Variants in ELFN1 observed in about 807,000 individuals in gnomAD.
The protein encoded by ELFN1 is protein ELFN1.
In ELFN1, 6 loss-of-function variants were observed where a neutral mutation model predicts 7.6. The ratio of observed to expected loss-of-function variants is 0.79; its 90% CI spans 0.43 to 1.56. The LOEUF (loss-of-function observed/expected upper bound fraction) is 1.56. Ranked by LOEUF, ELFN1 falls within the 40% of genes most tolerant of loss-of-function variation. The probability of loss-of-function intolerance (pLI) is 0.01; values close to 1 mark genes in which losing one functional copy is unlikely to be tolerated. For missense variants in ELFN1, 1,169 were observed against 1,232.2 expected, an observed-to-expected ratio of 0.95 and a Z score of 0.77; for synonymous variants, 657 against 588.1, an observed-to-expected ratio of 1.12 and a Z score of -1.70.
In ELFN1 at chr7:1,745,409, G is replaced by GC; in HGVS notation, c.815dup (p.Arg274ProfsTer13). On this transcript the variant is annotated frameshift_variant, in exon 4 of 4. Transcript: ENST00000424383. LOFTEE classifies it low-confidence loss of function (END_TRUNC). The stretch of plus-strand genomic sequence containing the variant: ...CACGTCCAGCATCCGGGCGCTCACA[G>GC]CCGGGCCGCTCCCCGCCGCCCCCGC... 6.5e-7 allele frequency: 1 copy of GC among 1,539,104 alleles called. No homozygotes were observed. The highest frequency in any genetic ancestry group is 8.7e-7 in the Non-Finnish European group (1 of 1,146,070).
At chr7:1,709,716 C>T (rs1353765266) in intron 3 of ELFN1, among the ~76,000 whole-genome samples, 4 of 152,250 alleles carry the variant, frequency 2.6e-5, no homozygotes, top group Non-Finnish European at 5.9e-5. Context: ...GTATTTGAAG[C>T]AGGTTCTTGT....
At chr7:1,712,802 ATCT>A (rs1475849963) in intron 3 of ELFN1, among the ~76,000 whole-genome samples, 2 of 152,206 alleles carry the variant, frequency 1.3e-5, no homozygotes, top group Non-Finnish European at 2.9e-5. Context: ...TGGGCAAGTC[ATCT>A]TCTACCTCTG....
At chr7:1,667,967 G>C (rs1439108340), upstream of ELFN1, among the ~76,000 whole-genome samples, 2 of 129,830 alleles carry the variant, frequency 1.5e-5, no homozygotes, top group Non-Finnish European at 3.4e-5. The surrounding 1 kb of genome is among the most constrained non-coding windows in gnomAD (Gnocchi z 8.2). Context: ...GCTCGGGGTG[G>C]GGGGGGGGGG....
intron 3 of ELFN1, among the ~76,000 whole-genome samples, chr7:1,717,387 C>T (rs1453293193): frequency 1.3e-5 from 2 of 152,180 alleles, no homozygotes; most frequent in Admixed American, 1.3e-4. Context: ...CCTCAGTGGG[C>T]CGCAGTTCCA....
At chr7:1,668,991 G>A (rs1213124758), upstream of ELFN1, among the ~76,000 whole-genome samples, 3 of 152,196 alleles carry the variant, frequency 2.0e-5, no homozygotes, top group African/African-American at 4.8e-5. Flanking sequence ...CCAGCCAGCC[G>A]AAGGAGGCCA....
chr7:1,738,465 T>C (rs576389267), intron 3 of ELFN1, among the ~76,000 whole-genome samples: 48 of 152,210 alleles, frequency 3.2e-4, no homozygotes, highest in Non-Finnish European at 5.9e-4. Flanking sequence ...TGGCCGGGTG[T>C]CGTGACATAC....
At chr7:1,692,884 C>T (rs889006888) in intron 2 of ELFN1, 1 of 177,246 alleles carries the variant, frequency 5.6e-6, no homozygotes, top group African/African-American at 2.3e-5. Context: ...GAAAGAACGC[C>T]CAGTGGGGGC....
intron 2 of ELFN1, among the ~76,000 whole-genome samples, chr7:1,706,754 G>A (rs1051479135): frequency 1.3e-5 from 2 of 152,250 alleles, no homozygotes; most frequent in African/African-American, 4.8e-5. Context: ...AGGCCTGGCT[G>A]GCTTCTACAG....
At chr7:1,682,207 C>T (rs1481758097) in intron 1 of ELFN1, among the ~76,000 whole-genome samples, 1 of 152,114 alleles carries the variant, frequency 6.6e-6, no homozygotes, top group African/African-American at 2.4e-5. Context: ...ACAAAGATTT[C>T]TTCCGTTTTC....
In ELFN1 at chr7:1,673,482, GC is replaced by G. The variant is rs964563101; in HGVS notation, c.-549+3135del. Among the ~76,000 whole-genome samples, 6 of 152,018 alleles carry G rather than the reference GC, an allele frequency of 3.9e-5. No homozygotes were observed. The highest frequency in any genetic ancestry group is 7.2e-5 in the African/African-American group (3 of 41,392). On this transcript the variant is annotated intron_variant, in intron 1 of 3. Transcript: ENST00000424383. The surrounding 1 kb of genome is among the most constrained non-coding windows in gnomAD (Gnocchi z 4.7). Reference sequence around the variant, plus strand: ...TATGGGCACTCGAGCCCAGCACCGTGCCCCCCCTCCCCGCCCCCTGCCCCGG... The same window carrying G: ...TATGGGCACTCGAGCCCAGCACCGTGCCCCCCTCCCCGCCCCCTGCCCCGG...
chr7:1,746,514 A>G lies in ELFN1; in HGVS notation c.1918A>G (p.Thr640Ala). The change falls in exon 4 of 4, where the codon ACC (threonine) becomes GCC (alanine). Residue 640 changes from threonine to alanine, a missense_variant. This residue lies in a region of ELFN1 where 914 missense variants were observed against 872.6 expected (regional missense o/e 1.05). Transcript: ENST00000424383. ...GGCCGCCGGGCCCCCTCGTGCCAGC[A>G]CCTCGTCCAGCGGCTCCGTGCGCAG... ...VEAAGPPRAS[T>A]SSSGSVRSPR... The G allele has an allele frequency of 6.8e-7, 1 of 1,472,104 alleles. No homozygotes were observed. Among genetic ancestry groups the G allele is most frequent in the Non-Finnish European group, 8.9e-7 (1 of 1,121,346 alleles). The allele number at this position is 1,472,104 out of a possible 1,614,324, so 91.2% of individuals were successfully genotyped here.
chr7:1,716,299 T>C (rs898847922), intron 3 of ELFN1, among the ~76,000 whole-genome samples: 3 of 152,134 alleles, frequency 2.0e-5, no homozygotes, highest in African/African-American at 7.2e-5. Flanking sequence ...GGTCATCGTG[T>C]TGTGTGCTGT....
Position 1,746,408 on chromosome 7 carries a change from G to C in ELFN1, c.1812G>C (p.Pro604=). 1.3e-6 allele frequency: 2 copies of C among 1,535,304 alleles called. No individual in the cohort carries two copies. Among genetic ancestry groups the C allele is most frequent in the Non-Finnish European group, 1.8e-6 (2 of 1,142,090 alleles). Residue 604 remains proline, a synonymous_variant, in exon 4 of 4, where the codon CCG becomes CCC. Coordinates refer to ENST00000424383, the MANE Select transcript of ELFN1 (RefSeq NM_001128636.4). ...AEPPLVLLSE[P]LAAKHGFLAP... ...CGCCGCTGGTGCTGCTGTCCGAGCC[G>C]CTGGCCGCCAAGCACGGCTTCCTGG...
At chr7:1,678,308 C>T (rs989501946) in intron 1 of ELFN1, among the ~76,000 whole-genome samples, 5 of 152,188 alleles carry the variant, frequency 3.3e-5, no homozygotes, top group East Asian at 1.9e-4. Context: ...CATCCTGCCA[C>T]GACCACCCAG....
chr7:1,702,191 A>G (rs1216670843), intron 2 of ELFN1, among the ~76,000 whole-genome samples: 1 of 152,120 alleles, frequency 6.6e-6, no homozygotes, highest in Non-Finnish European at 1.5e-5. Context: ...TTGGGAGGCC[A>G]AGGTGGGCAA....
At position 1,740,770 on chromosome 7, in the gene ELFN1, C is replaced by T. The variant is rs529231141; in HGVS notation, c.-293-3534C>T. On this transcript the variant is annotated intron_variant, in intron 3 of 3. Transcript: ENST00000424383. This position sits in a 1 kb window ranked among gnomAD's most constrained non-coding sequence, Gnocchi z 5.0. ...ACAGGGCTGACTCACAGTGTGACTTCGGACAAGTCCTTCTGTGTCTGTGCC... is the reference window on the plus strand; with the variant it reads ...ACAGGGCTGACTCACAGTGTGACTTTGGACAAGTCCTTCTGTGTCTGTGCC... Among the ~76,000 whole-genome samples the T allele has an allele frequency of 2.6e-5, 4 of 152,162 alleles. No homozygotes were observed. Among genetic ancestry groups the T allele is most frequent in the Admixed American group, 6.5e-5 (1 of 15,274 alleles).
chr7:1,719,812 C>G (rs1562376199), intron 3 of ELFN1, among the ~76,000 whole-genome samples: 2 of 151,930 alleles, frequency 1.3e-5, no homozygotes, highest in Non-Finnish European at 2.9e-5. Flanking sequence ...CCTTCCCCAC[C>G]ATCACCTCTG....
intron 3 of ELFN1, among the ~76,000 whole-genome samples, chr7:1,741,596 A>G (rs1780615949): frequency 6.6e-6 from 1 of 152,162 alleles, no homozygotes; most frequent in African/African-American, 2.4e-5. Context: ...TGGTACGGAA[A>G]GGGCTGGCAG....
chr7:1,710,574 C>T (rs1010727143), intron 3 of ELFN1, among the ~76,000 whole-genome samples: 3 of 152,236 alleles, frequency 2.0e-5, no homozygotes, highest in South Asian at 2.1e-4. Flanking sequence ...CAAGTCTTAT[C>T]CATTGCAGCT....
Sources: gnomAD v4.1 joint callset for allele counts (sites outside exome capture counted in the v4.1 genomes callset) on GRCh38, gnomAD v4.1.1 for gene constraint, gnomAD v4.1.1 regional missense constraint, Gnocchi (gnomAD v3.1) non-coding constraint, MANE v1.5 for transcripts, NCBI Gene and HGNC (gene_info 2026-07-23, HGNC 2026-07-21) for gene names.